PARD3B: variants seen among roughly 807,000 people sequenced by gnomAD.
PARD3B encodes partitioning defective 3 homolog B.
A neutral mutation model predicts 130.2 loss-of-function variants in PARD3B; 103 were observed. The observed-to-expected ratio is 0.79, with a 90% confidence interval of 0.67 to 0.93. The LOEUF (loss-of-function observed/expected upper bound fraction) is 0.93. Ranked by LOEUF, PARD3B falls within the 40% of genes least tolerant of loss-of-function variation. The probability of loss-of-function intolerance (pLI) is 0.00; values close to 1 mark genes in which losing one functional copy is unlikely to be tolerated. For synonymous variants in PARD3B, 583 were observed against 553.2 expected (o/e 1.05, Z -0.76); for missense variants, 1,609 against 1,499.2 (o/e 1.07, Z -1.21).
intron 22 of PARD3B, among the ~76,000 whole-genome samples, chr2:205,612,310 G>A (rs1175717392): frequency 1.3e-5 from 2 of 151,992 alleles, no homozygotes; most frequent in Non-Finnish European, 2.9e-5. Context: ...GCACCACCAC[G>A]CCCAGCTAAC....
At chr2:204,971,712 A>G (rs2125177972) in intron 3 of PARD3B, among the ~76,000 whole-genome samples, 1 of 152,052 alleles carries the variant, frequency 6.6e-6, no homozygotes, top group South Asian at 2.1e-4. Context: ...AGTCATAGCC[A>G]TATAGTCAAC....
intron 3 of PARD3B, among the ~76,000 whole-genome samples, chr2:204,995,278 G>T (rs1227896851): frequency 6.6e-6 from 1 of 151,554 alleles, no homozygotes; most frequent in Non-Finnish European, 1.5e-5. Flanking sequence ...CAGGCCTTGT[G>T]GTGACAAAAT....
intron 18 of PARD3B, among the ~76,000 whole-genome samples, chr2:205,327,587 T>C (rs2042979101): frequency 6.6e-6 from 1 of 152,218 alleles, no homozygotes; most frequent in Admixed American, 6.5e-5. Context: ...ACAGAACTGG[T>C]AGGATTTCAC....
rs1039630400 is a variant in PARD3B, at chr2:204,890,088, G to C, written c.223-75064G>C. On this transcript the variant is annotated intron_variant, in intron 2 of 22. Transcript: ENST00000406610. The surrounding 1 kb of genome is among the most constrained non-coding windows in gnomAD (Gnocchi z 4.9). The stretch of plus-strand genomic sequence containing the variant: ...GGGACTATCGGTTTTATTGCAACTG[G>C]ATGCAGAATTTACCATGTCTGCTTT... 6.6e-6 allele frequency among the ~76,000 whole-genome samples: 1 copy of C among 152,150 alleles called. No individual in the cohort carries two copies. The highest frequency in any genetic ancestry group is 1.5e-5 in the Non-Finnish European group (1 of 68,034).
rs1277326132 is a variant in PARD3B at position 205,320,712 on chromosome 2, C to G, written c.2630+19011C>G. Among the ~76,000 whole-genome samples, 3 of 152,194 alleles carry G rather than the reference C, an allele frequency of 2.0e-5. No homozygotes were observed. The East Asian group carries it at 5.8e-4, about 29-fold the overall frequency. On this transcript the variant is annotated intron_variant, in intron 18 of 22. Transcript: ENST00000406610. ...AGAGACATTGATTAAATGCACATGG[C>G]ATCTCAAATCCAGTTGACATTTTAA...
chr2:205,568,647 C>T lies in PARD3B; in HGVS notation c.3260+15244C>T, dbSNP rs13396440. ...CTAGGATCGTGGCTATACACACAGG[C>T]GAGGTAAAGTTCTACATGGATTTCA... On this transcript the variant is annotated intron_variant, in intron 22 of 22. Transcript: ENST00000406610. The surrounding 1 kb of genome is among the most constrained non-coding windows in gnomAD (Gnocchi z 5.3). Among the ~76,000 whole-genome samples the T allele has an allele frequency of 0.017, 2,545 of 152,180 alleles. 77 individuals are homozygous for T. Among genetic ancestry groups the T allele is most frequent in the African/African-American group, 0.057 (2,379 of 41,500 alleles).
At position 204,951,100 on chromosome 2, in the gene PARD3B, A is replaced by G. The variant is rs144231289; in HGVS notation, c.223-14052A>G. Among the ~76,000 whole-genome samples the G allele has an allele frequency of 2.8e-3, 429 of 152,308 alleles. 2 individuals are homozygous for G. The highest frequency in any genetic ancestry group is 9.9e-3 in the African/African-American group (412 of 41,564). ...CAGAATAAGCATGGAGAGTCATATAATTCAAGCAGGGCCAACTTGCTATGC... is the reference window on the plus strand; with the variant it reads ...CAGAATAAGCATGGAGAGTCATATAGTTCAAGCAGGGCCAACTTGCTATGC... On this transcript the variant is annotated intron_variant, in intron 2 of 22. Coordinates refer to ENST00000406610, the MANE Select transcript of PARD3B (RefSeq NM_001302769.2).
chr2:205,199,168 A>G (rs1457857766), intron 15 of PARD3B, among the ~76,000 whole-genome samples: 1 of 152,200 alleles, frequency 6.6e-6, no homozygotes, highest in Non-Finnish European at 1.5e-5. Flanking sequence ...GTGTGCCGGG[A>G]AGTGCATTAA....
intron 19 of PARD3B, among the ~76,000 whole-genome samples, chr2:205,408,810 A>G (rs965641526): frequency 2.6e-5 from 4 of 152,142 alleles, no homozygotes; most frequent in African/African-American, 2.4e-5. Flanking sequence ...GAATATCCCT[A>G]TCTTTTGCAG....
chr2:205,261,177 A>G (rs1409747453), intron 16 of PARD3B, among the ~76,000 whole-genome samples: 1 of 152,122 alleles, frequency 6.6e-6, no homozygotes, highest in Non-Finnish European at 1.5e-5. Context: ...TCATGTGCAG[A>G]GTTTTATTCA....
At position 205,407,162 on chromosome 2, in the gene PARD3B, G is replaced by A. The variant is rs1025282239; in HGVS notation, c.2741+6039G>A. On this transcript the variant is annotated intron_variant, in intron 19 of 22. Transcript: ENST00000406610. The surrounding 1 kb of genome is among the most constrained non-coding windows in gnomAD (Gnocchi z 4.1). ...ACACCATTGTTACCTGAGTGTATAA[G>A]CCCAAGTTTCTTGCTCAAGATTGTG... 1.3e-4 allele frequency among the ~76,000 whole-genome samples: 20 copies of A among 152,114 alleles called. No homozygotes were observed. Among genetic ancestry groups the A allele is most frequent in the Non-Finnish European group, 1.5e-5 (1 of 68,028 alleles).
rs532150302 is a variant in PARD3B, at chr2:204,752,483, A to G, written c.222+66201A>G. 2.6e-5 allele frequency among the ~76,000 whole-genome samples: 4 copies of G among 152,302 alleles called. No homozygotes were observed. In the East Asian group the frequency reaches 7.7e-4, roughly 29 times the overall value. On this transcript the variant is annotated intron_variant, in intron 2 of 22. Coordinates refer to ENST00000406610, the MANE Select transcript of PARD3B (RefSeq NM_001302769.2). ...AATGAATAAAAAATGGTATCTTTAT[A>G]AACTCGAATGTTGCCCCTTGTTAAT...
intron 2 of PARD3B, among the ~76,000 whole-genome samples, chr2:204,803,510 G>A (rs1454514479): frequency 6.6e-6 from 1 of 152,078 alleles, no homozygotes; most frequent in Non-Finnish European, 1.5e-5. Context: ...TATATGTATA[G>A]AAACAGCCAA....
At chr2:205,519,268 T>C (rs2050928930) in intron 21 of PARD3B, among the ~76,000 whole-genome samples, 1 of 152,258 alleles carries the variant, frequency 6.6e-6, no homozygotes, top group African/African-American at 2.4e-5. Flanking sequence ...GAGGTTTTGT[T>C]CATTTTTTAA....
At chr2:205,334,603 T>G (rs1282656732) in intron 18 of PARD3B, among the ~76,000 whole-genome samples, 1 of 152,254 alleles carries the variant, frequency 6.6e-6, no homozygotes, top group Admixed American at 6.5e-5. Context: ...GACAGTTTCT[T>G]AGTTAGAATA....
intron 4 of PARD3B, among the ~76,000 whole-genome samples, chr2:205,062,039 G>A (rs566580182): frequency 1.3e-5 from 2 of 152,038 alleles, no homozygotes; most frequent in South Asian, 2.1e-4. Flanking sequence ...TCCCTTGTAC[G>A]CTTCTCTAAT....
In PARD3B at chr2:205,341,652, C is replaced by T. The variant is rs849214; in HGVS notation, c.2630+39951C>T. 1 allele frequency among the ~76,000 whole-genome samples: 152,117 copies of T among 152,222 alleles called. 76,006 individuals carry two copies. Among genetic ancestry groups the T allele is most frequent in the Middle Eastern group, 1 (294 of 294 alleles). On this transcript the variant is annotated intron_variant, in intron 18 of 22. Transcript: ENST00000406610. This position sits in a 1 kb window ranked among gnomAD's most constrained non-coding sequence, Gnocchi z 4.3. ...TTAACAGACTCAAAATCATAGCTTCCGACAGCACTGTTGGTTAAATGTGGT... is the reference window on the plus strand; with the variant it reads ...TTAACAGACTCAAAATCATAGCTTCTGACAGCACTGTTGGTTAAATGTGGT...
At chr2:205,147,329 C>T (rs1017020696) in intron 10 of PARD3B, among the ~76,000 whole-genome samples, 34 of 152,062 alleles carry the variant, frequency 2.2e-4, no homozygotes, top group African/African-American at 8.2e-4. Flanking sequence ...ATACTATATT[C>T]GGGGGAGAGG....
intron 16 of PARD3B, among the ~76,000 whole-genome samples, chr2:205,256,514 T>A (rs2040092024): frequency 1.3e-5 from 2 of 152,186 alleles, no homozygotes. Flanking sequence ...GTAACAGTGG[T>A]TATCTTTATT....
Sources: allele counts gnomAD v4.1 joint callset (sites outside exome capture counted in the v4.1 genomes callset), GRCh38; gene constraint gnomAD v4.1.1; non-coding constraint Gnocchi (gnomAD v3.1); transcripts MANE v1.5; gene names NCBI Gene and HGNC (gene_info 2026-07-23, HGNC 2026-07-21).